Variants in ASTN2 observed in about 807,000 individuals in gnomAD.
The protein encoded by ASTN2 is astrotactin-2.
Under a neutral mutation model 139.8 loss-of-function variants are expected in ASTN2, and 54 were observed. The observed-to-expected ratio is 0.39, with a 90% CI of 0.31 to 0.48. The LOEUF is 0.48. Ranked by LOEUF, ASTN2 falls within the 20% of genes least tolerant of loss-of-function variation. The pLI is 0.95. For synonymous variants in ASTN2, 756 were observed against 719.5 expected, an observed-to-expected ratio of 1.05 and a Z score of -0.81; for missense variants, 1,565 against 1,725.1, an observed-to-expected ratio of 0.91 and a Z score of 1.64.
intron 5 of ASTN2, among the ~76,000 whole-genome samples, chr9:117,092,129 G>A (rs1537527): frequency 0.89 from 136,194 of 152,246 alleles, 61,050 homozygotes; most frequent in East Asian, 0.97. Flanking sequence ...GGATGAAAAG[G>A]GGCAGAGCCA....
intron 2 of ASTN2, among the ~76,000 whole-genome samples, chr9:117,285,000 C>T (rs1834412933): frequency 6.6e-6 from 1 of 152,184 alleles, no homozygotes; most frequent in African/African-American, 2.4e-5. Flanking sequence ...GAGTTAAATA[C>T]ATGTCAAGTA....
chr9:117,270,613 T>C lies in ASTN2; in HGVS notation c.630+20713A>G, dbSNP rs111468249. Among the ~76,000 whole-genome samples the C allele has an allele frequency of 4.6e-3, 693 of 152,296 alleles. 6 individuals carry two copies. Among genetic ancestry groups the C allele is most frequent in the African/African-American group, 0.016 (665 of 41,562 alleles). On this transcript the variant is annotated intron_variant, in intron 2 of 22. Transcript: ENST00000313400. The stretch of plus-strand genomic sequence containing the variant: ...ACCCCTGTACCTGGCATAAGGATGT[T>C]TGGTCTCACCATTGAGTGGCTCTGT...
At chr9:116,771,221 C>T (rs1485918740) in intron 13 of ASTN2, among the ~76,000 whole-genome samples, 1 of 152,110 alleles carries the variant, frequency 6.6e-6, no homozygotes, top group Non-Finnish European at 1.5e-5. Context: ...TTGTAGGGCA[C>T]AGTGATTAAG....
intron 10 of ASTN2, among the ~76,000 whole-genome samples, chr9:116,960,701 G>T (rs890276658): frequency 4.6e-5 from 7 of 151,846 alleles, no homozygotes; most frequent in African/African-American, 1.7e-4. Context: ...TCTTCTGGGG[G>T]ACAAAATCCC....
chr9:116,439,193 C>CTTTT (rs1564277528), intron 22 of ASTN2, among the ~76,000 whole-genome samples: 13 of 102,790 alleles, frequency 1.3e-4, no homozygotes, highest in African/African-American at 4.5e-4. Flanking sequence ...TATTCAAATA[C>CTTTT]ATTTTTTTTT....
At chr9:116,686,587 T>C (rs1265804646) in intron 16 of ASTN2, 5 of 1,118,606 alleles carry the variant, frequency 4.5e-6, no homozygotes, top group East Asian at 2.6e-5. Flanking sequence ...CCTTGCCAGA[T>C]GCCTAGTGCC....
chr9:116,570,510 C>T lies in ASTN2; in HGVS notation c.3355+47814G>A, dbSNP rs186351792. ...TCCCAGGTTCATGCCTTTCTCCTGC[C>T]TCAGCCTCTCGAGTAGCTGGGACTA... is the stretch of plus-strand genomic sequence containing the variant. On this transcript the variant is annotated intron_variant, in intron 19 of 22. Transcript: ENST00000313400. 6.4e-3 allele frequency among the ~76,000 whole-genome samples: 970 copies of T among 152,254 alleles called. 7 individuals carry two copies. Among genetic ancestry groups the T allele is most frequent in the African/African-American group, 0.023 (937 of 41,550 alleles).
intron 5 of ASTN2, among the ~76,000 whole-genome samples, chr9:117,060,008 G>A (rs1259171160): frequency 1.3e-5 from 2 of 151,882 alleles, no homozygotes; most frequent in Non-Finnish European, 2.9e-5. Flanking sequence ...TAAATGCAGT[G>A]GCTTGAAATT....
chr9:117,016,998 C>T (rs1018820888), intron 6 of ASTN2, among the ~76,000 whole-genome samples: 11 of 151,660 alleles, frequency 7.3e-5, no homozygotes, highest in African/African-American at 2.7e-4. Context: ...CAGAATTCTG[C>T]ATGCCTTTAT....
chr9:117,073,786 A>C (rs1001335120), intron 5 of ASTN2, among the ~76,000 whole-genome samples: 4 of 152,114 alleles, frequency 2.6e-5, no homozygotes, highest in African/African-American at 9.7e-5. Flanking sequence ...TCTGTTACAA[A>C]CACCTCAGCA....
intron 5 of ASTN2, among the ~76,000 whole-genome samples, chr9:117,084,149 C>T (rs1252955232): frequency 1.3e-5 from 2 of 152,010 alleles, no homozygotes; most frequent in African/African-American, 2.4e-5. Context: ...ACATAATTTT[C>T]TCTTCTCTAA....
chr9:117,131,755 T>A (rs751758177), intron 4 of ASTN2, among the ~76,000 whole-genome samples: 37 of 152,318 alleles, frequency 2.4e-4, no homozygotes, highest in Non-Finnish European at 4.6e-4. Flanking sequence ...TTAATCCACC[T>A]ATGACCTGTA....
chr9:116,974,594 C>T (rs1316267751), intron 10 of ASTN2, among the ~76,000 whole-genome samples: 3 of 147,744 alleles, frequency 2.0e-5, no homozygotes, highest in South Asian at 2.1e-4. Flanking sequence ...CTGCAACTTC[C>T]GCCTCCTGGG....
Position 117,002,632 on chromosome 9 carries a change from T to C in ASTN2, c.1591+5460A>G, listed in dbSNP as rs532595537. Among the ~76,000 whole-genome samples, 19 of 152,312 alleles carry C rather than the reference T, an allele frequency of 1.2e-4. No homozygotes were observed. The South Asian group carries it at 3.9e-3, about 32-fold the overall frequency. On this transcript the variant is annotated intron_variant, in intron 7 of 22. Coordinates refer to ENST00000313400, the MANE Select transcript of ASTN2 (RefSeq NM_001365068.1). ...ATAAAAGGGGAAAAACTAGAATTGG[T>C]ATATACAATTGTTTCAAGAAGCATC...
At chr9:116,689,114 C>G (rs998290301) in intron 16 of ASTN2, among the ~76,000 whole-genome samples, 1 of 152,152 alleles carries the variant, frequency 6.6e-6, no homozygotes, top group East Asian at 1.9e-4. Context: ...CCTTCCCCCC[C>G]GCAGTAAGGA....
chr9:116,841,429 A>G (rs1832256350), intron 11 of ASTN2, among the ~76,000 whole-genome samples: 1 of 152,030 alleles, frequency 6.6e-6, no homozygotes, highest in South Asian at 2.1e-4. Flanking sequence ...TTTTTTGTAG[A>G]TATGGAGTCT....
chr9:116,539,855 G>C (rs1177981489), intron 19 of ASTN2, among the ~76,000 whole-genome samples: 1 of 152,102 alleles, frequency 6.6e-6, no homozygotes, highest in Non-Finnish European at 1.5e-5. Flanking sequence ...ACTGAAACTG[G>C]AGAAGACAAA....
Position 117,414,204 on chromosome 9 carries a change from G to A in ASTN2, c.442+293C>T, listed in dbSNP as rs1377572774. On this transcript the variant is annotated intron_variant, in intron 1 of 22. Transcript: ENST00000313400. This position sits in a 1 kb window ranked among gnomAD's most constrained non-coding sequence, Gnocchi z 4.2. ...AGCACCTTCAGTGAATGGGGTCTCC[G>A]GCTTCCGGGATGGATCAAGCAGAGC... is the stretch of plus-strand genomic sequence containing the variant. 1.3e-5 allele frequency among the ~76,000 whole-genome samples: 2 copies of A among 152,030 alleles called. No individual in the cohort carries two copies. The highest frequency in any genetic ancestry group is 2.1e-4 in the South Asian group (1 of 4,818).
At position 117,206,133 on chromosome 9, in the gene ASTN2, G is replaced by C. The variant is rs556523151; in HGVS notation, c.1015+8225C>G. Among the ~76,000 whole-genome samples, 9 of 152,288 alleles carry C rather than the reference G, an allele frequency of 5.9e-5. No individual in the cohort carries two copies. The East Asian group carries it at 1.2e-3, about 20-fold the overall frequency. On this transcript the variant is annotated intron_variant, in intron 3 of 22. Coordinates refer to ENST00000313400, the MANE Select transcript of ASTN2 (RefSeq NM_001365068.1). Reference sequence around the variant, plus strand: ...ACCAAAGCAATGAATAAACAGCTAGGATTTGACCTGAGTGTCGTCGAAGGC... The same window carrying C: ...ACCAAAGCAATGAATAAACAGCTAGCATTTGACCTGAGTGTCGTCGAAGGC...
Sources: gnomAD v4.1 joint callset for allele counts (sites outside exome capture counted in the v4.1 genomes callset) on GRCh38, gnomAD v4.1.1 for gene constraint, Gnocchi (gnomAD v3.1) non-coding constraint, MANE v1.5 for transcripts, NCBI Gene and HGNC (gene_info 2026-07-23, HGNC 2026-07-21) for gene names.